EYS: variants seen among roughly 807,000 people sequenced by gnomAD.
EYS encodes protein eyes shut homolog.
A neutral mutation model predicts 282.1 loss-of-function variants in EYS; 250 were observed. The observed-to-expected ratio is 0.89, with a 90% CI of 0.80 to 0.98. The LOEUF (loss-of-function observed/expected upper bound fraction) is 0.98. Ranked by LOEUF, EYS falls within the 50% of genes least tolerant of loss-of-function variation. The pLI, the probability that EYS is intolerant of heterozygous loss-of-function variation, is 0.00. For missense variants in EYS, 4,016 were observed against 3,709.0 expected (o/e 1.08, Z -2.15); for synonymous variants, 1,355 against 1,282.9 (o/e 1.06, Z -1.20).
chr6:65,493,507 A>C (rs1766123806), intron 4 of EYS, among the ~76,000 whole-genome samples: 1 of 152,150 alleles, frequency 6.6e-6, no homozygotes, highest in South Asian at 2.1e-4. Flanking sequence ...CAGGTCTGTC[A>C]AACCCTCAAA....
intron 2 of EYS, among the ~76,000 whole-genome samples, chr6:65,539,308 T>C (rs928475411): frequency 7.2e-5 from 11 of 152,332 alleles, no homozygotes; most frequent in Middle Eastern, 6.8e-3. Context: ...TCTTCTGCCA[T>C]CTTTGTTCCT....
intron 30 of EYS, among the ~76,000 whole-genome samples, chr6:64,261,660 C>A (rs536203518): frequency 6.5e-4 from 99 of 152,058 alleles, no homozygotes; most frequent in African/African-American, 2.2e-3. Context: ...TTTTCTAGGA[C>A]ATTTAACTCA....
At chr6:65,101,974 A>C (rs2150183713) in intron 12 of EYS, among the ~76,000 whole-genome samples, 1 of 151,378 alleles carries the variant, frequency 6.6e-6, no homozygotes, top group African/African-American at 2.4e-5. Context: ...TTTACCAGAT[A>C]ATCAACTGTT....
chr6:64,390,486 A>C (rs369012712), intron 28 of EYS, among the ~76,000 whole-genome samples: 2,425 of 151,590 alleles, frequency 0.016, 22 homozygotes, highest in South Asian at 0.033. Flanking sequence ...GAGCAGCCTA[A>C]CTGGGAGGCA....
chr6:64,669,358 C>A (rs541447205), intron 22 of EYS, among the ~76,000 whole-genome samples: 14 of 151,662 alleles, frequency 9.2e-5, no homozygotes, highest in Admixed American at 2.0e-4. Context: ...CCCTTTGATG[C>A]AAAAAAGAGA....
At chr6:65,436,136 T>C (rs1344138708) in intron 5 of EYS, among the ~76,000 whole-genome samples, 2 of 152,074 alleles carry the variant, frequency 1.3e-5, no homozygotes, top group African/African-American at 4.8e-5. Context: ...AAGAAAACTA[T>C]CAATGTAATT....
intron 31 of EYS, among the ~76,000 whole-genome samples, chr6:64,140,058 T>C (rs1774291885): frequency 6.6e-6 from 1 of 151,942 alleles, no homozygotes; most frequent in Admixed American, 6.6e-5. Context: ...ATAAAAGGCA[T>C]TAGAAACACT....
chr6:64,921,112 C>A (rs573372069), intron 15 of EYS, among the ~76,000 whole-genome samples: 1 of 152,208 alleles, frequency 6.6e-6, no homozygotes, highest in South Asian at 2.1e-4. Context: ...CTGTTTCATA[C>A]TCCTTAGGGG....
chr6:64,662,642 T>C (rs946830403), intron 22 of EYS, among the ~76,000 whole-genome samples: 2 of 152,240 alleles, frequency 1.3e-5, no homozygotes, highest in Non-Finnish European at 2.9e-5. Context: ...CAAACTATTA[T>C]AGGCTAAATC....
intron 22 of EYS, among the ~76,000 whole-genome samples, chr6:64,668,887 G>GGT (rs1769336641): frequency 1.3e-5 from 2 of 151,894 alleles, no homozygotes; most frequent in African/African-American, 2.4e-5. Context: ...TAATTCTTGT[G>GGT]AACACTGACT....
intron 30 of EYS, among the ~76,000 whole-genome samples, chr6:64,237,638 A>G (rs1766657171): frequency 6.6e-6 from 1 of 152,208 alleles, no homozygotes; most frequent in Non-Finnish European, 1.5e-5. Context: ...AAATCATAAG[A>G]ACATCATAAC....
chr6:64,252,246 T>C (rs1385034763), intron 30 of EYS, among the ~76,000 whole-genome samples: 2 of 152,088 alleles, frequency 1.3e-5, no homozygotes, highest in South Asian at 2.1e-4. Flanking sequence ...CCATGCCCCA[T>C]CCTCTTTCAT....
intron 7 of EYS, among the ~76,000 whole-genome samples, chr6:65,385,507 C>T (rs572222471): frequency 2.0e-5 from 3 of 151,868 alleles, no homozygotes; most frequent in African/African-American, 7.2e-5. Context: ...TTTTTCAGCA[C>T]CCACCATATG....
intron 13 of EYS, among the ~76,000 whole-genome samples, chr6:65,013,775 G>C (rs985669150): frequency 2.6e-5 from 4 of 152,174 alleles, no homozygotes; most frequent in Admixed American, 1.3e-4. Context: ...TAAGATGGAA[G>C]GATCACTTGA....
rs191746693 is a variant in EYS, at chr6:64,793,782, A to G, written c.3443+19596T>C. ...AAATGTTTTACAAATGTCTTTATGA[A>G]CAATTATTTTTCCATCTGTTTTTTT... is the stretch of plus-strand genomic sequence containing the variant. On this transcript the variant is annotated intron_variant, in intron 22 of 42. Transcript: ENST00000503581. Among the ~76,000 whole-genome samples the G allele has an allele frequency of 2.6e-5, 4 of 152,044 alleles. No individual in the cohort carries two copies. The East Asian group carries it at 7.8e-4, about 30-fold the overall frequency.
intron 5 of EYS, among the ~76,000 whole-genome samples, chr6:65,474,698 C>G (rs1405533776): frequency 6.6e-6 from 1 of 151,986 alleles, no homozygotes; most frequent in Non-Finnish European, 1.5e-5. Context: ...TTTGCAATGA[C>G]AATGATCAGA....
At chr6:65,650,606 C>T (rs1265926541) in intron 1 of EYS, among the ~76,000 whole-genome samples, 1 of 152,096 alleles carries the variant, frequency 6.6e-6, no homozygotes, top group African/African-American at 2.4e-5. Context: ...AAGGCAAAAA[C>T]GAATGATAAA....
chr6:64,062,141 G>T (rs1056342393), intron 33 of EYS, among the ~76,000 whole-genome samples: 1 of 152,100 alleles, frequency 6.6e-6, no homozygotes, highest in Non-Finnish European at 1.5e-5. Context: ...TGAGAATTAA[G>T]TTGGAAAAAG....
chr6:65,313,004 T>C (rs1769201132), intron 11 of EYS, among the ~76,000 whole-genome samples: 1 of 152,116 alleles, frequency 6.6e-6, no homozygotes, highest in Admixed American at 6.6e-5. Context: ...CCAGATGAGG[T>C]AGTAGAGATC....
Sources: allele counts gnomAD v4.1 joint callset (sites outside exome capture counted in the v4.1 genomes callset), GRCh38; gene constraint gnomAD v4.1.1; transcripts MANE v1.5; gene names NCBI Gene and HGNC (gene_info 2026-07-23, HGNC 2026-07-21).